The following UIMC1 variants were observed in gnomAD, a reference collection of about 807,000 sequenced individuals.
UIMC1 encodes the protein BRCA1-A complex subunit RAP80.
A neutral mutation model predicts 84.9 loss-of-function variants in UIMC1; 42 were observed. The observed-to-expected ratio is 0.49, with a 90% CI of 0.39 to 0.64. UIMC1 has a LOEUF of 0.64. Ranked by LOEUF, UIMC1 falls within the 30% of genes least tolerant of loss-of-function variation. The pLI, the probability that UIMC1 is intolerant of heterozygous loss-of-function variation, is 0.00. For missense variants in UIMC1, 825 were observed against 847.6 expected (o/e 0.97, Z 0.33); for synonymous variants, 281 against 293.0 (o/e 0.96, Z 0.42).
At chr5:176,985,862 A>G (rs905856837) in intron 1 of UIMC1, among the ~76,000 whole-genome samples, 2 of 152,194 alleles carry the variant, frequency 1.3e-5, no homozygotes, top group Admixed American at 1.3e-4. Flanking sequence ...AACCTGATAA[A>G]GGACTTCTAC....
Position 177,006,685 on chromosome 5 carries a change from G to C in UIMC1, c.-44C>G, listed in dbSNP as rs1397333017. The C allele has an allele frequency of 6.6e-6, 1 of 152,188 alleles. No homozygotes were observed. The highest frequency in any genetic ancestry group is 1.5e-5 in the Non-Finnish European group (1 of 68,032). 9.4% of individuals were successfully genotyped at this position (152,188 alleles called of 1,614,324 possible). A position where few individuals can be genotyped will look rare whatever the true frequency, so the allele number is the denominator to read the frequency against. The stretch of plus-strand genomic sequence containing the variant: ...AGGCCGCTCTGTAGACCTTCTCCGG[G>C]TTGCCGGGGGTCGCGAGCCGCCACA... On this transcript the variant is annotated 5_prime_UTR_variant, in exon 1 of 15. Transcript: ENST00000511320.
intron 10 of UIMC1, among the ~76,000 whole-genome samples, chr5:176,931,104 A>C (rs965898564): frequency 6.6e-6 from 1 of 152,240 alleles, no homozygotes; most frequent in Non-Finnish European, 1.5e-5. Context: ...TGCAAGTGCT[A>C]AAGTTCTCTA....
At chr5:176,997,179 T>C (rs574007466) in intron 1 of UIMC1, among the ~76,000 whole-genome samples, 1 of 152,262 alleles carries the variant, frequency 6.6e-6, no homozygotes, top group Admixed American at 6.5e-5. Context: ...TTCATCCTTA[T>C]GTGCAACTGA....
At chr5:176,949,177 G>C (rs987286591) in intron 9 of UIMC1, among the ~76,000 whole-genome samples, 1 of 151,808 alleles carries the variant, frequency 6.6e-6, no homozygotes, top group Non-Finnish European at 1.5e-5. Flanking sequence ...GTGCAGGTTT[G>C]TTACATATGT....
chr5:176,938,364 G>T (rs1209585399), intron 10 of UIMC1, among the ~76,000 whole-genome samples: 1 of 152,060 alleles, frequency 6.6e-6, no homozygotes, highest in Non-Finnish European at 1.5e-5. Context: ...CTCTGGCAAG[G>T]AAGATGGGGC....
At chr5:176,912,408 T>C (rs1433539684) in intron 10 of UIMC1, among the ~76,000 whole-genome samples, 1 of 152,092 alleles carries the variant, frequency 6.6e-6, no homozygotes, top group African/African-American at 2.4e-5. Context: ...ATCAACCTCC[T>C]ACTCATATGA....
intron 1 of UIMC1, among the ~76,000 whole-genome samples, chr5:177,017,495 C>T (rs967213325): frequency 2.0e-5 from 3 of 152,148 alleles, no homozygotes; most frequent in Non-Finnish European, 4.4e-5. Flanking sequence ...TCAAGCAATT[C>T]TCCTGCCTCT....
intron 2 of UIMC1, 70 bp downstream of exon 2, chr5:176,982,399 C>G: frequency 6.5e-7 from 1 of 1,530,896 alleles, no homozygotes; most frequent in Non-Finnish European, 8.8e-7. Flanking sequence ...AGTCACGAAA[C>G]AAACTCCCCA....
upstream of UIMC1, among the ~76,000 whole-genome samples, chr5:177,008,104 CAA>C (rs751754930): frequency 1.2e-4 from 11 of 91,222 alleles, no homozygotes; most frequent in Admixed American, 2.3e-4. Flanking sequence ...GACTCTGTCT[CAA>C]AAAAAAAAAA....
At chr5:176,956,201 G>T (rs768501661) in intron 7 of UIMC1, among the ~76,000 whole-genome samples, 166 bp from the exon 8 acceptor site, 2 of 152,216 alleles carry the variant, frequency 1.3e-5, no homozygotes, top group African/African-American at 4.8e-5. Flanking sequence ...GAAAACTCCA[G>T]ACCAGAAATA....
intron 10 of UIMC1, among the ~76,000 whole-genome samples, chr5:176,916,438 T>C (rs763541526): frequency 2.0e-5 from 3 of 152,220 alleles, no homozygotes; most frequent in Non-Finnish European, 4.4e-5. Context: ...ATAATCAGTA[T>C]TGCCTTGTGG....
intron 1 of UIMC1, among the ~76,000 whole-genome samples, chr5:177,000,133 C>A (rs1774229293): frequency 6.6e-6 from 1 of 151,962 alleles, no homozygotes; most frequent in African/African-American, 2.4e-5. Flanking sequence ...AATTTTTTTA[C>A]ATTTTTAGGA....
At chr5:176,984,968 G>C (rs902113721) in intron 1 of UIMC1, among the ~76,000 whole-genome samples, 1 of 152,038 alleles carries the variant, frequency 6.6e-6, no homozygotes, top group Non-Finnish European at 1.5e-5. Flanking sequence ...AGGCCACAGG[G>C]ACCTCTGCCT....
chr5:176,908,739 CTTT>C (rs1561705932), intron 11 of UIMC1, 45 bp from the exon 12 acceptor site: 1 of 1,580,668 alleles, frequency 6.3e-7, no homozygotes, highest in African/African-American at 1.4e-5. Flanking sequence ...TTAAGATGTG[CTTT>C]TGCCTCTGGG....
chr5:176,977,992 T>G (rs914636844), intron 2 of UIMC1, among the ~76,000 whole-genome samples: 1 of 152,060 alleles, frequency 6.6e-6, no homozygotes, highest in Non-Finnish European at 1.5e-5. Context: ...TTCCAGCTGC[T>G]TTTTTCTATT....
chr5:176,922,913 C>G (rs1443217355), intron 10 of UIMC1, among the ~76,000 whole-genome samples: 1 of 152,192 alleles, frequency 6.6e-6, no homozygotes, highest in African/African-American at 2.4e-5. Flanking sequence ...AAGAAAATCG[C>G]TACATTTTGA....
At chr5:176,917,563 C>A (rs1761160860) in intron 10 of UIMC1, among the ~76,000 whole-genome samples, 1 of 152,112 alleles carries the variant, frequency 6.6e-6, no homozygotes, top group Non-Finnish European at 1.5e-5. Context: ...CAGAATGAGA[C>A]TCTGTCTCAA....
intron 1 of UIMC1, among the ~76,000 whole-genome samples, chr5:176,997,956 C>T (rs12109486): frequency 6.6e-6 from 1 of 152,098 alleles, no homozygotes; most frequent in Admixed American, 6.6e-5. Context: ...GAATAACTTT[C>T]TCAGAGAAAT....
intron 6 of UIMC1, among the ~76,000 whole-genome samples, chr5:176,966,981 A>G (rs1250827992): frequency 6.6e-6 from 1 of 152,222 alleles, no homozygotes; most frequent in Non-Finnish European, 1.5e-5. Context: ...TTAAGACTAC[A>G]CTGAGACGCC....
Sources: gnomAD v4.1 joint callset for allele counts (sites outside exome capture counted in the v4.1 genomes callset) on GRCh38, gnomAD v4.1.1 for gene constraint, MANE v1.5 for transcripts, NCBI Gene and HGNC (gene_info 2026-07-23, HGNC 2026-07-21) for gene names.